MAP4K4: variants seen among roughly 807,000 people sequenced by gnomAD.
MAP4K4 encodes HPK/GCK-like kinase HGK.
In MAP4K4, 38 loss-of-function variants were observed where a neutral mutation model predicts 189.6. The observed-to-expected ratio is 0.20, with a 90% CI of 0.15 to 0.26. The LOEUF (loss-of-function observed/expected upper bound fraction) is 0.26, where lower values mean the gene tolerates loss of function less well. MAP4K4 is among the 10% of genes least tolerant of loss of function. The probability of loss-of-function intolerance (pLI) is 1.00; values close to 1 mark genes in which losing one functional copy is unlikely to be tolerated. For synonymous variants in MAP4K4, 610 were observed against 624.3 expected, an observed-to-expected ratio of 0.98 and a Z score of 0.34; for missense variants, 1,054 against 1,726.9, an observed-to-expected ratio of 0.61 and a Z score of 6.91.
chr2:101,803,245 A>AGTGTGTG (rs1553484243), intron 3 of MAP4K4, among the ~76,000 whole-genome samples: 1 of 150,244 alleles, frequency 6.7e-6, no homozygotes, highest in Non-Finnish European at 1.5e-5. Flanking sequence ...GATGATGATG[A>AGTGTGTG]TGTGTGTGTG....
intron 2 of MAP4K4, among the ~76,000 whole-genome samples, chr2:101,731,570 G>A (rs1480814907): frequency 6.6e-6 from 1 of 152,016 alleles, no homozygotes; most frequent in African/African-American, 2.4e-5. Flanking sequence ...ACCAACCTGG[G>A]CAACATGATG....
chr2:101,870,427 T>G lies in MAP4K4; in HGVS notation c.2760+12T>G, dbSNP rs754549701. The G allele has an allele frequency of 1.9e-5, 31 of 1,612,990 alleles. No individual in the cohort carries two copies. The highest frequency in any genetic ancestry group is 1.0e-4 in the Admixed American group (6 of 59,938). Reference sequence around the variant, plus strand: ...TAATCGTCCGCCAGGTACCCGTGTCTTCTCTGTTGTCAGAGGCTGAGCTTC... The same window carrying G: ...TAATCGTCCGCCAGGTACCCGTGTCGTCTCTGTTGTCAGAGGCTGAGCTTC... On this transcript the variant is annotated intron_variant, in intron 23 of 32. Transcript: ENST00000324219.
intron 2 of MAP4K4, among the ~76,000 whole-genome samples, chr2:101,770,489 C>G (rs561372651): frequency 1.3e-5 from 2 of 152,150 alleles, no homozygotes; most frequent in African/African-American, 2.4e-5. Context: ...GTTGGGCAGG[C>G]TGGTCTTGAA....
At chr2:101,730,844 A>G (rs113898336) in intron 2 of MAP4K4, among the ~76,000 whole-genome samples, 2,940 of 151,982 alleles carry the variant, frequency 0.019, 114 homozygotes, top group African/African-American at 0.067. Context: ...TCAGGAGATC[A>G]AGACCATCCT....
At chr2:101,823,813 C>T (rs1045412606) in intron 3 of MAP4K4, 115 bp from the exon 4 acceptor site, 3 of 852,932 alleles carry the variant, frequency 3.5e-6, no homozygotes, top group Admixed American at 5.9e-5. Flanking sequence ...ATATGTGCCT[C>T]TGCTCCTGGA....
At chr2:101,753,192 G>GTA (rs2070134438) in intron 2 of MAP4K4, among the ~76,000 whole-genome samples, 1 of 152,178 alleles carries the variant, frequency 6.6e-6, no homozygotes, top group African/African-American at 2.4e-5. Context: ...TTTGCCTGAT[G>GTA]TATAGGTACA....
intron 2 of MAP4K4, among the ~76,000 whole-genome samples, chr2:101,729,840 A>T (rs1170105194): frequency 6.6e-6 from 1 of 152,158 alleles, no homozygotes; most frequent in Non-Finnish European, 1.5e-5. Flanking sequence ...TCCATCTGAC[A>T]TACTCTGTTG....
At chr2:101,769,651 T>A (rs1321527416) in intron 2 of MAP4K4, among the ~76,000 whole-genome samples, 1 of 152,100 alleles carries the variant, frequency 6.6e-6, no homozygotes, top group Non-Finnish European at 1.5e-5. Context: ...TGGTGCGATC[T>A]TGGCTCACTG....
chr2:101,796,832 G>A (rs72989339), intron 3 of MAP4K4, among the ~76,000 whole-genome samples: 9,609 of 152,180 alleles, frequency 0.063, 813 homozygotes, highest in African/African-American at 0.19. Context: ...TATTCCTAGC[G>A]CCATGTTCCA....
At chr2:101,737,209 G>A (rs975683132) in intron 2 of MAP4K4, among the ~76,000 whole-genome samples, 2 of 151,802 alleles carry the variant, frequency 1.3e-5, no homozygotes, top group Admixed American at 1.3e-4. Flanking sequence ...GGTCAGAGAT[G>A]GTGAGTGGGT....
intron 20 of MAP4K4, 175 bp from the exon 21 acceptor site, chr2:101,867,854 G>A (rs983503458): frequency 1.6e-6 from 1 of 635,744 alleles, no homozygotes; most frequent in Non-Finnish European, 2.8e-6. Flanking sequence ...GATGTTACCT[G>A]ACCATGTAAT....
chr2:101,699,771 G>A (rs2037193800), intron 2 of MAP4K4, among the ~76,000 whole-genome samples: 1 of 152,158 alleles, frequency 6.6e-6, no homozygotes, highest in African/African-American at 2.4e-5. Flanking sequence ...GTCCGAACTT[G>A]GGTCAGTATT....
intron 2 of MAP4K4, among the ~76,000 whole-genome samples, chr2:101,734,398 T>C (rs959894871): frequency 6.6e-6 from 1 of 152,250 alleles, no homozygotes; most frequent in Non-Finnish European, 1.5e-5. Context: ...AATTATGTTA[T>C]GACTGTTGTG....
intron 11 of MAP4K4, among the ~76,000 whole-genome samples, chr2:101,843,804 G>A (rs1201358675): frequency 2.0e-5 from 3 of 152,198 alleles, no homozygotes; most frequent in Non-Finnish European, 4.4e-5. Flanking sequence ...ATCAAAGAAG[G>A]TGATTTCAAC....
In MAP4K4 at chr2:101,873,638, A is replaced by G; in HGVS notation, c.2953-9A>G. ...AGTTGTATTAATAACATTGAAATTT[A>G]CATTGCAGACTCAGTCCGCTAGTAG... On this transcript the variant is annotated splice_polypyrimidine_tract_variant and intron_variant, in intron 24 of 32. Coordinates refer to ENST00000324219, the Ensembl canonical transcript of MAP4K4. 2.8e-6 allele frequency: 4 copies of G among 1,454,340 alleles called. No homozygotes were observed. Among genetic ancestry groups the G allele is most frequent in the Non-Finnish European group, 3.9e-6 (4 of 1,037,404 alleles). 90.1% of individuals were successfully genotyped at this position (1,454,340 alleles called of 1,614,324 possible). A position where few individuals can be genotyped will look rare whatever the true frequency, so the allele number is the denominator to read the frequency against.
chr2:101,855,827 G>T, intron 12 of MAP4K4, 150 bp from the exon 13 acceptor site: 1 of 645,572 alleles, frequency 1.5e-6, no homozygotes, highest in South Asian at 2.4e-5. Context: ...TGGGTCCGAG[G>T]GGCAGTGTGG....
intron 2 of MAP4K4, among the ~76,000 whole-genome samples, chr2:101,746,780 T>C (rs2065794898): frequency 6.6e-6 from 1 of 152,176 alleles, no homozygotes; most frequent in South Asian, 2.1e-4. Context: ...AGTTTGTTTT[T>C]TTTTCCTCCC....
intron 12 of MAP4K4, among the ~76,000 whole-genome samples, chr2:101,848,224 T>C (rs2097170947): frequency 6.6e-6 from 1 of 152,226 alleles, no homozygotes; most frequent in Non-Finnish European, 1.5e-5. Flanking sequence ...CCAAGTACAG[T>C]GTAAATGCCA....
At chr2:101,824,207 A>G (rs1167008171) in intron 4 of MAP4K4, among the ~76,000 whole-genome samples, 154 bp downstream of exon 4, 2 of 152,152 alleles carry the variant, frequency 1.3e-5, no homozygotes, top group Non-Finnish European at 2.9e-5. Flanking sequence ...CTTGGCTTGT[A>G]TCTGTGGGTT....
Sources: allele counts gnomAD v4.1 joint callset (sites outside exome capture counted in the v4.1 genomes callset), GRCh38; gene constraint gnomAD v4.1.1; transcripts MANE v1.5; gene names NCBI Gene and HGNC (gene_info 2026-07-23, HGNC 2026-07-21).